TTC19: variants seen among roughly 807,000 people sequenced by gnomAD.
TTC19 encodes tetratricopeptide repeat domain 19.
A neutral mutation model predicts 49.5 loss-of-function variants in TTC19; 38 were observed. The observed-to-expected ratio is 0.77, with a 90% CI of 0.59 to 1.01. TTC19 has a LOEUF of 1.01. Ranked by LOEUF, TTC19 falls within the 50% of genes least tolerant of loss-of-function variation. TTC19 has a pLI of 0.00. For missense variants in TTC19, 475 were observed against 477.7 expected (o/e 0.99, Z 0.05); for synonymous variants, 204 against 185.2 (o/e 1.10, Z -0.83).
At chr17:16,019,913 G>T (rs570226848) in intron 7 of TTC19, among the ~76,000 whole-genome samples, 1 of 150,928 alleles carries the variant, frequency 6.6e-6, no homozygotes, top group Non-Finnish European at 1.5e-5. Context: ...GATCATTTGA[G>T]GTCAGGAGTT....
chr17:16,036,192 C>G (rs902571152), intron 2 of TTC19, among the ~76,000 whole-genome samples: 1 of 152,226 alleles, frequency 6.6e-6, no homozygotes, highest in Non-Finnish European at 1.5e-5. Context: ...CATTCATCTC[C>G]TTGAACCTTT....
At chr17:16,013,781 T>C (rs1423909470) in intron 7 of TTC19, among the ~76,000 whole-genome samples, 1 of 152,276 alleles carries the variant, frequency 6.6e-6, no homozygotes. Context: ...TTTAGAATTA[T>C]TTTGTCAAGT....
chr17:16,036,462 AAG>A (rs762667286), intron 2 of TTC19, among the ~76,000 whole-genome samples: 2 of 152,200 alleles, frequency 1.3e-5, no homozygotes, highest in Non-Finnish European at 2.9e-5. Flanking sequence ...AGCCCCTAAC[AAG>A]AGAGTCAGCC....
At chr17:16,039,796 CTT>C in intron 2 of TTC19, 3 of 686,220 alleles carry the variant, frequency 4.4e-6, no homozygotes, top group Non-Finnish European at 7.1e-6. Context: ...ACACAGAGAC[CTT>C]TTTTTTTGGA....
chr17:16,018,328 A>T (rs1174417681), intron 7 of TTC19, among the ~76,000 whole-genome samples: 1 of 152,064 alleles, frequency 6.6e-6, no homozygotes, highest in East Asian at 1.9e-4. Context: ...CTTCTGTCCC[A>T]CATGCTCTGG....
intron 2 of TTC19, among the ~76,000 whole-genome samples, chr17:16,036,453 G>GC (rs2056386610): frequency 6.6e-6 from 1 of 152,164 alleles, no homozygotes; most frequent in Non-Finnish European, 1.5e-5. Flanking sequence ...ACCTGCATTA[G>GC]CCCCTAACAA....
intron 7 of TTC19, among the ~76,000 whole-genome samples, chr17:16,019,398 A>G (rs1971305295): frequency 6.6e-6 from 1 of 152,250 alleles, no homozygotes; most frequent in South Asian, 2.1e-4. Flanking sequence ...ATGGTATCAT[A>G]CTGTACAATT....
intron 7 of TTC19, among the ~76,000 whole-genome samples, chr17:16,015,723 A>G (rs1971194883): frequency 6.6e-6 from 1 of 152,154 alleles, no homozygotes; most frequent in African/African-American, 2.4e-5. Context: ...CAGCTTCCTT[A>G]TCAATAAAAT....
intron 2 of TTC19, chr17:16,040,661 G>C: frequency 3.1e-6 from 2 of 639,842 alleles, no homozygotes; most frequent in Non-Finnish European, 5.4e-6. Context: ...TTTTTTTTTT[G>C]AGACAGGGTC....
At chr17:16,025,226 G>T (rs1597468568) in intron 8 of TTC19, 55 bp downstream of exon 8, 1 of 1,571,238 alleles carries the variant, frequency 6.4e-7, no homozygotes, top group East Asian at 2.3e-5. Flanking sequence ...CAAAATTGAA[G>T]GGTGTGAAAT....
At position 16,000,037 on chromosome 17, in the gene TTC19, G is replaced by A. The variant is rs1970667024; in HGVS notation, c.184+5G>A. On this transcript the variant is annotated splice_donor_5th_base_variant and intron_variant, in intron 1 of 9. Coordinates refer to ENST00000261647, the MANE Select transcript of TTC19 (RefSeq NM_017775.4). ...GCCTGCTGCCGCTGCTGGCAGGTGA[G>A]GGGCGCGGGCCGGGCGGGGCCGGCC... The A allele has an allele frequency of 7.9e-6, 10 of 1,259,674 alleles. No homozygotes were observed. Among genetic ancestry groups the A allele is most frequent in the Non-Finnish European group, 9.9e-6 (10 of 1,005,288 alleles). The allele number at this position is 1,259,674 out of a possible 1,614,324, so 78.0% of individuals were successfully genotyped here.
chr17:16,026,502 G>A (rs1048452862), intron 8 of TTC19, 38 bp from the exon 9 acceptor site: 2 of 1,607,062 alleles, frequency 1.2e-6, no homozygotes, highest in Non-Finnish European at 1.7e-6. Context: ...GTGAAGGCAT[G>A]TTTTTAAAGA....
intron 7 of TTC19, among the ~76,000 whole-genome samples, chr17:16,022,479 G>A (rs373368611): frequency 6.6e-6 from 1 of 152,124 alleles, no homozygotes; most frequent in Non-Finnish European, 1.5e-5. Context: ...GGATATTCTT[G>A]GAATTTGGGC....
At chr17:16,003,466 G>C (rs533304344) in intron 4 of TTC19, among the ~76,000 whole-genome samples, 15 of 151,114 alleles carry the variant, frequency 9.9e-5, no homozygotes, top group African/African-American at 3.2e-4. Flanking sequence ...GTAGAGACGG[G>C]ATTTCACCAT....
intron 2 of TTC19, among the ~76,000 whole-genome samples, chr17:16,038,806 C>G (rs974446985): frequency 5.3e-5 from 8 of 151,764 alleles, no homozygotes; most frequent in African/African-American, 1.9e-4. Flanking sequence ...GAGTCTCACT[C>G]TGTTTCCAGG....
chr17:16,030,504 A>G (rs1971821585), downstream of TTC19: 1 of 197,874 alleles, frequency 5.1e-6, no homozygotes, highest in Admixed American at 6.1e-5. Context: ...AAAAAAAAAA[A>G]TTCAGCAGAA....
Position 16,028,840 on chromosome 17 carries a change from A to AAAAAAAAAC in TTC19, c.*1324_*1325insAACAAAAAA, listed in dbSNP as rs1555531006. On this transcript the variant is annotated 3_prime_UTR_variant, in exon 10 of 10. Transcript: ENST00000261647. ...TCTCAAAAAAAAAAAAAAAAAAAAAAAAAAAACTTTCTGAAGAAAATAAAA... is the reference window on the plus strand; with the variant it reads ...TCTCAAAAAAAAAAAAAAAAAAAAAAAAAAAAAACAAAAAACTTTCTGAAGAAAATAAAA... 5.0e-5 allele frequency: 19 copies of AAAAAAAAAC among 378,564 alleles called. 2 individuals carry two copies. Among genetic ancestry groups the AAAAAAAAAC allele is most frequent in the Non-Finnish European group, 9.1e-5 (18 of 197,862 alleles). The allele number at this position is 378,564 out of a possible 1,614,324, so 23.5% of individuals were successfully genotyped here. A position where few individuals can be genotyped will look rare whatever the true frequency, so the allele number is the denominator to read the frequency against.
chr17:16,044,998 A>AC, exon 3 of TTC19: 7 of 469,520 alleles, frequency 1.5e-5, no homozygotes, highest in Admixed American at 3.5e-5. Context: ...GCTGAACTTA[A>AC]GAAAAAAAAA....
chr17:16,020,296 G>A (rs931678449), intron 7 of TTC19, among the ~76,000 whole-genome samples: 3 of 152,106 alleles, frequency 2.0e-5, no homozygotes, highest in East Asian at 1.9e-4. Context: ...TGTATTTATC[G>A]GTTATTCAGA....
Sources: gnomAD v4.1 joint callset for allele counts (sites outside exome capture counted in the v4.1 genomes callset) on GRCh38, gnomAD v4.1.1 for gene constraint, MANE v1.5 for transcripts, NCBI Gene and HGNC (gene_info 2026-07-23, HGNC 2026-07-21) for gene names.